The following RASGRP1 variants were observed in gnomAD, a reference collection of about 807,000 sequenced individuals.
RASGRP1 encodes RAS guanyl-releasing protein 1.
RASGRP1 carries 37 observed loss-of-function variants against 95.1 expected under a neutral mutation model. The ratio of observed to expected loss-of-function variants is 0.39; its 90% CI spans 0.30 to 0.51. RASGRP1 has a LOEUF of 0.51. Among genes scored for constraint, RASGRP1 ranks in the 20% least tolerant of loss-of-function variants. The pLI is 0.80. For synonymous variants in RASGRP1, 325 were observed against 353.4 expected (o/e 0.92, Z 0.90); for missense variants, 711 against 965.4 (o/e 0.74, Z 3.49).
chr15:38,560,129 C>T (rs959755081), intron 1 of RASGRP1, 124 bp from the exon 2 acceptor site: 2 of 882,650 alleles, frequency 2.3e-6, no homozygotes, highest in East Asian at 2.6e-5. Flanking sequence ...AGAAGCCATA[C>T]CCCTCCCACT....
intron 2 of RASGRP1, among the ~76,000 whole-genome samples, chr15:38,533,261 G>A (rs1254513070): frequency 2.0e-5 from 3 of 152,140 alleles, no homozygotes; most frequent in African/African-American, 7.2e-5. Context: ...AGAAAACCTA[G>A]GGGCAAGGTT....
intron 2 of RASGRP1, among the ~76,000 whole-genome samples, chr15:38,533,496 G>T (rs534049404): frequency 1.3e-5 from 2 of 152,314 alleles, no homozygotes; most frequent in Admixed American, 6.5e-5. Context: ...CTGAAAATAA[G>T]ATCAGTAGAG....
At chr15:38,495,558 G>A (rs1181913931) in intron 15 of RASGRP1, among the ~76,000 whole-genome samples, 2 of 152,052 alleles carry the variant, frequency 1.3e-5, no homozygotes, top group Non-Finnish European at 2.9e-5. Context: ...TAGTCAAGAT[G>A]GCTTTAAAAA....
intron 2 of RASGRP1, among the ~76,000 whole-genome samples, chr15:38,558,254 C>A (rs929904893): frequency 3.3e-5 from 5 of 152,124 alleles, no homozygotes; most frequent in Non-Finnish European, 7.4e-5. Flanking sequence ...GTCAGCCGCG[C>A]CTCCCCGGTC....
Position 38,488,461 on chromosome 15 carries a change from C to T in RASGRP1, c.*2093G>A, listed in dbSNP as rs1256831918. The T allele has an allele frequency of 4.0e-5, 6 of 150,314 alleles. No homozygotes were observed. The highest frequency in any genetic ancestry group is 2.0e-4 in the Admixed American group (3 of 15,064). The allele number at this position is 150,314 out of a possible 1,614,324, so 9.3% of individuals were successfully genotyped here. A position where few individuals can be genotyped will look rare whatever the true frequency, so the allele number is the denominator to read the frequency against. On this transcript the variant is annotated 3_prime_UTR_variant, in exon 17 of 17. Coordinates refer to ENST00000310803, the MANE Select transcript of RASGRP1 (RefSeq NM_005739.4). ...TGTTGCTCAACACAAATACTATTAA[C>T]TTGTATACTATACCTCTTTGGCCCT...
chr15:38,539,942 G>A (rs891769747), intron 2 of RASGRP1, among the ~76,000 whole-genome samples: 1 of 152,110 alleles, frequency 6.6e-6, no homozygotes, highest in Non-Finnish European at 1.5e-5. Flanking sequence ...TTTGAGACAA[G>A]GTCTCACTCT....
rs370888491 is a variant in RASGRP1, at chr15:38,559,890, C to T, written c.151G>A (p.Val51Met). ...LAHITQFRMMVSLGHLAKGAS... is the reference protein window; with the variant it reads ...LAHITQFRMMMSLGHLAKGAS... ...CCTTTGGCTAAATGTCCCAGAGACA[C>T]CATCATTCGGAACTGGGTGATGTGG... is the stretch of plus-strand genomic sequence containing the variant. Residue 51 changes from valine (V) to methionine (M), a missense_variant, in exon 2 of 17, where the codon GTG becomes ATG. Around this residue, in one of 3 missense-constraint regions of RASGRP1, gnomAD observed 491 missense variants for 676.6 expected, o/e 0.73. Transcript: ENST00000310803. 10 of 1,613,740 alleles carry T rather than the reference C, an allele frequency of 6.2e-6. No homozygotes were observed. Among genetic ancestry groups the T allele is most frequent in the African/African-American group, 4.0e-5 (3 of 74,912 alleles).
chr15:38,536,322 C>A (rs1186888963), intron 2 of RASGRP1, among the ~76,000 whole-genome samples: 1 of 152,144 alleles, frequency 6.6e-6, no homozygotes, highest in Non-Finnish European at 1.5e-5. Context: ...GAGCTGCCAG[C>A]AGCTTGCTGG....
intron 16 of RASGRP1, among the ~76,000 whole-genome samples, chr15:38,492,867 CCTA>C (rs1200280813): frequency 2.0e-5 from 3 of 151,708 alleles, no homozygotes; most frequent in Non-Finnish European, 4.4e-5. Context: ...GTTCCCGTCT[CCTA>C]CTCCTCCCCA....
chr15:38,508,075 T>C, intron 8 of RASGRP1, 74 bp from the exon 9 acceptor site: 1 of 1,474,484 alleles, frequency 6.8e-7, no homozygotes. Context: ...ACCTTGCATG[T>C]TTGCATCCTG....
At chr15:38,551,473 A>G (rs942626375) in intron 2 of RASGRP1, among the ~76,000 whole-genome samples, 3 of 152,208 alleles carry the variant, frequency 2.0e-5, no homozygotes, top group African/African-American at 7.2e-5. Flanking sequence ...TTTGCCAGCA[A>G]TAACTTATTG....
intron 3 of RASGRP1, among the ~76,000 whole-genome samples, chr15:38,523,503 T>A (rs1349378177): frequency 2.6e-5 from 4 of 152,208 alleles, no homozygotes; most frequent in African/African-American, 9.6e-5. Context: ...AAAGTCACAG[T>A]AAGCTAAATT....
At chr15:38,519,817 T>C (rs1192620095) in intron 3 of RASGRP1, among the ~76,000 whole-genome samples, 7 of 149,020 alleles carry the variant, frequency 4.7e-5, no homozygotes, top group East Asian at 2.1e-4. Context: ...CTGATACACA[T>C]GTATGCAGTG....
chr15:38,562,812 CCT>C (rs1665348591), intron 1 of RASGRP1, among the ~76,000 whole-genome samples: 1 of 152,100 alleles, frequency 6.6e-6, no homozygotes, highest in Non-Finnish European at 1.5e-5. Context: ...CTAATCCTGC[CCT>C]GTTTTCTAAT....
At chr15:38,542,897 A>G (rs12916475) in intron 2 of RASGRP1, among the ~76,000 whole-genome samples, 17 of 139,526 alleles carry the variant, frequency 1.2e-4, no homozygotes, top group African/African-American at 1.8e-4. Context: ...ATATATGTGT[A>G]TATATATACA....
intron 2 of RASGRP1, among the ~76,000 whole-genome samples, chr15:38,546,290 T>C (rs949015789): frequency 6.6e-6 from 1 of 152,216 alleles, no homozygotes; most frequent in Non-Finnish European, 1.5e-5. Context: ...CAATCTTGGC[T>C]CACTGCAACC....
intron 8 of RASGRP1, among the ~76,000 whole-genome samples, chr15:38,509,727 CAATA>C (rs1209512493): frequency 5.9e-5 from 9 of 152,134 alleles, no homozygotes; most frequent in Admixed American, 2.6e-4. Context: ...CTGTCTCAAT[CAATA>C]AATAAATAAT....
In RASGRP1 at chr15:38,489,631, C is replaced by T. The variant is rs1890493673; in HGVS notation, c.*923G>A. The stretch of plus-strand genomic sequence containing the variant: ...TTCTAAATAGTATTAATAGTGAAGA[C>T]AGTTAAGCACAAATTCATTTCAAAA... On this transcript the variant is annotated 3_prime_UTR_variant, in exon 17 of 17. Coordinates refer to ENST00000310803, the MANE Select transcript of RASGRP1 (RefSeq NM_005739.4). 1 of 152,290 alleles carries T rather than the reference C, an allele frequency of 6.6e-6. No individual in the cohort carries two copies. The highest frequency in any genetic ancestry group is 2.1e-4 in the South Asian group (1 of 4,820). 9.4% of individuals were successfully genotyped at this position (152,290 alleles called of 1,614,324 possible). A position where few individuals can be genotyped will look rare whatever the true frequency, so the allele number is the denominator to read the frequency against.
intron 16 of RASGRP1, among the ~76,000 whole-genome samples, chr15:38,493,434 T>A (rs1890674234): frequency 6.6e-6 from 1 of 151,692 alleles, no homozygotes; most frequent in Admixed American, 6.6e-5. Context: ...CACCTCTGCC[T>A]CCCAAAGTGC....
Sources: allele counts gnomAD v4.1 joint callset (sites outside exome capture counted in the v4.1 genomes callset), GRCh38; gene constraint gnomAD v4.1.1; regional missense constraint gnomAD v4.1.1; transcripts MANE v1.5; gene names NCBI Gene and HGNC (gene_info 2026-07-23, HGNC 2026-07-21).